The following SUGCT variants were observed in gnomAD, a reference collection of about 807,000 sequenced individuals.
The protein encoded by SUGCT is succinyl-CoA:glutarate CoA-transferase.
In SUGCT, 41 loss-of-function variants were observed where a neutral mutation model predicts 55.0. The ratio of observed to expected loss-of-function variants is 0.74; its 90% CI spans 0.58 to 0.97. The LOEUF (loss-of-function observed/expected upper bound fraction) is 0.97. Ranked by LOEUF, SUGCT falls within the 50% of genes least tolerant of loss-of-function variation. The pLI, the probability that SUGCT is intolerant of heterozygous loss-of-function variation, is 0.00. For synonymous variants in SUGCT, 187 were observed against 200.4 expected, an observed-to-expected ratio of 0.93 and a Z score of 0.56; for missense variants, 568 against 547.8, an observed-to-expected ratio of 1.04 and a Z score of -0.37.
At chr7:40,647,376 G>A (rs1335516458) in intron 12 of SUGCT, among the ~76,000 whole-genome samples, 1 of 152,146 alleles carries the variant, frequency 6.6e-6, no homozygotes, top group African/African-American at 2.4e-5. Flanking sequence ...TTAGGTTGGT[G>A]CAAAAGTACT....
chr7:40,216,787 G>A (rs1023034197), intron 6 of SUGCT, among the ~76,000 whole-genome samples: 8 of 151,800 alleles, frequency 5.3e-5, no homozygotes, highest in Non-Finnish European at 2.9e-5. Context: ...ACCTGGGAGG[G>A]GGAGGTTGCA....
chr7:40,548,174 TTTTC>T (rs1405340785), intron 12 of SUGCT, among the ~76,000 whole-genome samples: 8 of 148,554 alleles, frequency 5.4e-5, no homozygotes, highest in East Asian at 1.9e-4. Context: ...TTCTTTCTTC[TTTTC>T]TTTCTTTCTT....
At chr7:40,710,770 G>T (rs1267150046) in intron 12 of SUGCT, among the ~76,000 whole-genome samples, 1 of 152,276 alleles carries the variant, frequency 6.6e-6, no homozygotes, top group East Asian at 1.9e-4. Flanking sequence ...GGGCTCATCA[G>T]AGGTTTTATT....
chr7:40,453,167 C>G (rs1789284091), intron 10 of SUGCT, among the ~76,000 whole-genome samples: 1 of 152,074 alleles, frequency 6.6e-6, no homozygotes. Flanking sequence ...TTCTTATGCC[C>G]CAGACCCCAA....
At chr7:40,809,052 G>T (rs539348549) in intron 13 of SUGCT, among the ~76,000 whole-genome samples, 8 of 152,248 alleles carry the variant, frequency 5.3e-5, no homozygotes, top group Middle Eastern at 6.8e-3. Context: ...GATAAATTTG[G>T]CAGGTAGTGG....
intron 1 of SUGCT, among the ~76,000 whole-genome samples, chr7:40,177,510 A>T (rs977098953): frequency 1.3e-5 from 2 of 152,086 alleles, no homozygotes; most frequent in Admixed American, 6.6e-5. Flanking sequence ...TGTTTAAAAA[A>T]TTTTTTGAAA....
intron 6 of SUGCT, among the ~76,000 whole-genome samples, chr7:40,221,323 A>G (rs2150826410): frequency 6.6e-6 from 1 of 151,188 alleles, no homozygotes; most frequent in Non-Finnish European, 1.5e-5. Context: ...GTGAGGCACA[A>G]GACTCGCTTG....
At chr7:40,957,273 A>G in the SUGCT span, among the ~76,000 whole-genome samples, 4 of 152,112 alleles carry the variant, frequency 2.6e-5, no homozygotes, top group South Asian at 2.1e-4. Context: ...TAGGTCTCTA[A>G]GAACTTGCTT....
the SUGCT span, among the ~76,000 whole-genome samples, chr7:40,946,728 G>A: frequency 6.6e-6 from 1 of 151,988 alleles, no homozygotes; most frequent in African/African-American, 2.4e-5. Context: ...AAAATTTTTG[G>A]TTGGCAATTA....
chr7:40,366,161 G>A (rs1283179054), intron 9 of SUGCT, among the ~76,000 whole-genome samples: 1 of 152,060 alleles, frequency 6.6e-6, no homozygotes, highest in Non-Finnish European at 1.5e-5. Flanking sequence ...CAAGAAATGG[G>A]GAAAGGATTC....
chr7:40,768,502 A>C (rs932237324), intron 13 of SUGCT, among the ~76,000 whole-genome samples: 2 of 152,138 alleles, frequency 1.3e-5, no homozygotes, highest in Non-Finnish European at 2.9e-5. Context: ...CAGTGTGTTT[A>C]ATGCCAACAA....
the SUGCT span, among the ~76,000 whole-genome samples, chr7:40,989,707 G>T: frequency 7.9e-5 from 12 of 152,112 alleles, no homozygotes; most frequent in African/African-American, 2.7e-4. Flanking sequence ...GGAGGCAGAG[G>T]TTGCAATGAG....
At chr7:40,888,993 T>C in the SUGCT span, among the ~76,000 whole-genome samples, 1 of 152,236 alleles carries the variant, frequency 6.6e-6, no homozygotes, top group African/African-American at 2.4e-5. Context: ...CTGATACTGC[T>C]GCATGGATTG....
chr7:40,862,705 C>T (rs986070474), downstream of SUGCT, among the ~76,000 whole-genome samples: 3 of 150,384 alleles, frequency 2.0e-5, no homozygotes, highest in East Asian at 2.0e-4. Flanking sequence ...GAAGTGTGTC[C>T]GTAAGCAAAT....
chr7:40,552,326 T>A (rs947208160), intron 12 of SUGCT, among the ~76,000 whole-genome samples: 24 of 152,200 alleles, frequency 1.6e-4, no homozygotes, highest in Admixed American at 3.3e-4. Context: ...TTCTAATTTG[T>A]AACCATTTCC....
intron 11 of SUGCT, among the ~76,000 whole-genome samples, chr7:40,485,212 A>C (rs1481260867): frequency 6.6e-6 from 1 of 151,822 alleles, no homozygotes; most frequent in African/African-American, 2.4e-5. Context: ...TTCAAAACTC[A>C]TGTGTATTGT....
chr7:40,728,685 G>A (rs987269601), intron 12 of SUGCT, among the ~76,000 whole-genome samples: 3 of 152,038 alleles, frequency 2.0e-5, no homozygotes. Flanking sequence ...GGAAATGAAG[G>A]CTTTATGACT....
chr7:40,850,117 G>A lies in SUGCT; in HGVS notation c.1154-10199G>A, dbSNP rs556659721. ...TGGGGCCTCAAGTGGCTCTCTTCGC[G>A]TTCTACTTCTGGACCCCTGAGTTCA... On this transcript the variant is annotated intron_variant, in intron 13 of 13. Coordinates refer to ENST00000335693, the MANE Select transcript of SUGCT (RefSeq NM_001193313.2). Among the ~76,000 whole-genome samples the A allele has an allele frequency of 5.9e-5, 9 of 152,246 alleles. No individual in the cohort carries two copies. The East Asian group carries it at 1.2e-3, about 20-fold the overall frequency.
At chr7:40,993,881 A>T in the SUGCT span, among the ~76,000 whole-genome samples, 26 of 152,358 alleles carry the variant, frequency 1.7e-4, no homozygotes, top group East Asian at 3.9e-3. Flanking sequence ...TATTATCAGG[A>T]ACAAGTGAAA....
Sources: allele counts gnomAD v4.1 joint callset (sites outside exome capture counted in the v4.1 genomes callset), GRCh38; gene constraint gnomAD v4.1.1; transcripts MANE v1.5; gene names NCBI Gene and HGNC (gene_info 2026-07-23, HGNC 2026-07-21).